ST6GALNAC6: variants seen among roughly 807,000 people sequenced by gnomAD.
ST6GALNAC6 encodes the protein alpha-N-acetylgalactosaminide alpha-2,6-sialyltransferase 6.
Under a neutral mutation model 34.3 loss-of-function variants are expected in ST6GALNAC6, and 19 were observed. That is an observed-to-expected ratio of 0.55 (90% CI 0.39 to 0.81). The LOEUF (loss-of-function observed/expected upper bound fraction) is 0.81, where lower values mean the gene tolerates loss of function less well. Ranked by LOEUF, ST6GALNAC6 falls within the 40% of genes least tolerant of loss-of-function variation. ST6GALNAC6 has a pLI of 0.00. For missense variants in ST6GALNAC6, 377 were observed against 467.7 expected, an observed-to-expected ratio of 0.81 and a Z score of 1.79; for synonymous variants, 185 against 182.1, an observed-to-expected ratio of 1.02 and a Z score of -0.13.
intron 4 of ST6GALNAC6, among the ~76,000 whole-genome samples, chr9:127,892,109 C>T (rs1830182622): frequency 6.6e-6 from 1 of 152,136 alleles, no homozygotes; most frequent in Non-Finnish European, 1.5e-5. Flanking sequence ...CGAGATCGAG[C>T]CATTGCACTC....
intron 1 of ST6GALNAC6, among the ~76,000 whole-genome samples, chr9:127,898,621 C>A (rs138901244): frequency 1.1e-3 from 175 of 152,354 alleles, no homozygotes; most frequent in African/African-American, 4.2e-3. Flanking sequence ...CGCACTGAAT[C>A]CAGGCAATGC....
chr9:127,901,924 C>T (rs1830774276), upstream of ST6GALNAC6, among the ~76,000 whole-genome samples: 1 of 151,872 alleles, frequency 6.6e-6, no homozygotes, highest in Admixed American at 6.6e-5. Context: ...GTGCGAGACT[C>T]CATCTCAAAA....
At chr9:127,888,546 T>C (rs535016034) in intron 5 of ST6GALNAC6, among the ~76,000 whole-genome samples, 40 of 148,806 alleles carry the variant, frequency 2.7e-4, no homozygotes, top group Non-Finnish European at 4.1e-4. Flanking sequence ...CAGTGGCTCA[T>C]GCCTGTAATC....
upstream of ST6GALNAC6, chr9:127,906,015 G>T (rs112802889): frequency 8.1e-6 from 8 of 985,542 alleles, no homozygotes; most frequent in African/African-American, 1.0e-4. Flanking sequence ...GCCAGCTCAG[G>T]GCTCTCCTCC....
At chr9:127,900,353 G>T (rs1830704895), upstream of ST6GALNAC6, among the ~76,000 whole-genome samples, 1 of 152,106 alleles carries the variant, frequency 6.6e-6, no homozygotes, top group Non-Finnish European at 1.5e-5. Flanking sequence ...CTGAGGTCAG[G>T]AGTTTGAGAC....
At chr9:127,888,675 A>G (rs1274684479) in intron 5 of ST6GALNAC6, among the ~76,000 whole-genome samples, 1 of 152,010 alleles carries the variant, frequency 6.6e-6, no homozygotes, top group East Asian at 1.9e-4. Context: ...GCGTGGTGGC[A>G]CGTGCCTGTG....
At chr9:127,896,903 G>A in intron 2 of ST6GALNAC6, 3 of 985,270 alleles carry the variant, frequency 3.0e-6, no homozygotes, top group Non-Finnish European at 3.6e-6. Context: ...GTTTCCCTGT[G>A]CCTCCACAGC....
chr9:127,898,120 C>T (rs1214094544), intron 1 of ST6GALNAC6, 110 bp from the exon 2 acceptor site: 3 of 673,024 alleles, frequency 4.5e-6, no homozygotes, highest in South Asian at 3.3e-5. Flanking sequence ...ATTGGCCGGG[C>T]GCGGTGGCTC....
Position 127,899,483 on chromosome 9 carries a change from C to T in ST6GALNAC6, c.-30+20G>A. The T allele has an allele frequency of 1.0e-6, 1 of 968,128 alleles. No individual in the cohort carries two copies. The highest frequency in any genetic ancestry group is 1.2e-6 in the Non-Finnish European group (1 of 815,440). The allele number at this position is 968,128 out of a possible 1,614,324, so 60.0% of individuals were successfully genotyped here. A position where few individuals can be genotyped will look rare whatever the true frequency, so the allele number is the denominator to read the frequency against. ...TCCGCCCCCGCCCCCGCGGCCTGCT[C>T]CCGCGCGGCGCCTGCTCACCTCCGG... On this transcript the variant is annotated intron_variant, in intron 1 of 6. Coordinates refer to ENST00000373146, the MANE Select transcript of ST6GALNAC6 (RefSeq NM_013443.5).
At chr9:127,889,087 G>A (rs759969292) in intron 5 of ST6GALNAC6, among the ~76,000 whole-genome samples, 10 of 152,176 alleles carry the variant, frequency 6.6e-5, no homozygotes, top group Non-Finnish European at 1.5e-4. Context: ...GGTGGCTCAC[G>A]CCTGTAATCC....
intron 6 of ST6GALNAC6, among the ~76,000 whole-genome samples, chr9:127,887,084 C>G (rs1170020617): frequency 7.4e-6 from 1 of 135,444 alleles, no homozygotes. Flanking sequence ...TTTGGAGGAC[C>G]TTTGGCTACT....
upstream of ST6GALNAC6, among the ~76,000 whole-genome samples, chr9:127,905,637 C>A (rs1181642676): frequency 6.6e-6 from 1 of 152,196 alleles, no homozygotes; most frequent in Non-Finnish European, 1.5e-5. Context: ...TCTGTCACCA[C>A]CAAGGAAGGG....
At chr9:127,889,217 G>A (rs10987767) in intron 5 of ST6GALNAC6, among the ~76,000 whole-genome samples, 29,209 of 151,550 alleles carry the variant, frequency 0.19, 2,893 homozygotes, top group South Asian at 0.28. Flanking sequence ...GGTGTGTGGC[G>A]CAAGCCTGTG....
Position 127,896,245 on chromosome 9 carries a change from G to A in ST6GALNAC6, c.114C>T (p.Asn38=), listed in dbSNP as rs1331529198. 1.2e-6 allele frequency: 2 copies of A among 1,614,148 alleles called. No homozygotes were observed. The highest frequency in any genetic ancestry group is 2.2e-5 in the East Asian group (1 of 44,886). ...LSRRRREMSS[N]KEQRSAVFVI... ...TAAGAAATGAAGGCAGACTTACTTT[G>A]TTGCTACTCATTTCTCTCCGGCGTC... Residue 38 remains asparagine (N), a synonymous_variant, in exon 3 of 7, where the codon AAC becomes AAT. Transcript: ENST00000373146.
upstream of ST6GALNAC6, chr9:127,899,623 G>C (rs2131586722): frequency 1.0e-6 from 1 of 982,762 alleles, no homozygotes; most frequent in East Asian, 1.1e-4. Context: ...GCGGCCCGCC[G>C]GGTCCTAGCG....
rs1446201459 is a variant in ST6GALNAC6, at chr9:127,886,544, C to T, written c.*55G>A. The T allele has an allele frequency of 2.5e-6, 4 of 1,601,074 alleles. No individual in the cohort carries two copies. The highest frequency in any genetic ancestry group is 3.4e-6 in the Non-Finnish European group (4 of 1,173,210). On this transcript the variant is annotated 3_prime_UTR_variant, in exon 7 of 7. Transcript: ENST00000373146. ...CAGAAGATGGTCCCTGGCCTAGCGG[C>T]TGGGCGGAGGCTGCTTCTCCTCTGA...
chr9:127,887,468 G>A lies in ST6GALNAC6; in HGVS notation c.812+16C>T, dbSNP rs753543240. Reference sequence around the variant, plus strand: ...CTGGGTGTTGTCCTGGGAGGGCGCTGGCAAGGAGGGCTCACCTGCAGTAGT... The same window carrying A: ...CTGGGTGTTGTCCTGGGAGGGCGCTAGCAAGGAGGGCTCACCTGCAGTAGT... On this transcript the variant is annotated intron_variant, in intron 6 of 6. Transcript: ENST00000373146. The A allele has an allele frequency of 1.2e-5, 19 of 1,603,270 alleles. No homozygotes were observed. Among genetic ancestry groups the A allele is most frequent in the Middle Eastern group, 1.6e-4 (1 of 6,064 alleles).
At chr9:127,895,925 A>G (rs1363788597) in intron 3 of ST6GALNAC6, among the ~76,000 whole-genome samples, 1 of 152,024 alleles carries the variant, frequency 6.6e-6, no homozygotes, top group African/African-American at 2.4e-5. Context: ...TTTCCCGCTC[A>G]CCTCCACCTG....
upstream of ST6GALNAC6, chr9:127,906,005 G>A (rs371252737): frequency 1.6e-5 from 16 of 985,472 alleles, no homozygotes; most frequent in African/African-American, 3.5e-5. Flanking sequence ...TCCTTGCTTC[G>A]CCAGCTCAGG....
Sources: gnomAD v4.1 joint callset for allele counts (sites outside exome capture counted in the v4.1 genomes callset) on GRCh38, gnomAD v4.1.1 for gene constraint, MANE v1.5 for transcripts, NCBI Gene and HGNC (gene_info 2026-07-23, HGNC 2026-07-21) for gene names.